The following HTR3B variants were observed in gnomAD, a reference collection of about 807,000 sequenced individuals.
HTR3B encodes the protein 5-hydroxytryptamine receptor 3B.
In HTR3B, 44 loss-of-function variants were observed where a neutral mutation model predicts 42.8. That is an observed-to-expected ratio of 1.03 (90% CI 0.81 to 1.32). The LOEUF (loss-of-function observed/expected upper bound fraction) is 1.32, where lower values mean the gene tolerates loss of function less well. Ranked by LOEUF, HTR3B falls within the 40% of genes most tolerant of loss-of-function variation. The pLI is 0.00. For missense variants in HTR3B, 527 were observed against 536.5 expected, an observed-to-expected ratio of 0.98 and a Z score of 0.17; for synonymous variants, 203 against 209.0, an observed-to-expected ratio of 0.97 and a Z score of 0.25.
At position 113,948,944 on chromosome 11, in the gene HTR3B, C is replaced by T. The variant is rs769687496; in HGVS notation, c.*2807C>T. 6.6e-6 allele frequency among the ~76,000 whole-genome samples: 1 copy of T among 152,112 alleles called. No homozygotes were observed. Among genetic ancestry groups the T allele is most frequent in the Non-Finnish European group, 1.5e-5 (1 of 68,042 alleles). On this transcript the variant is annotated 3_prime_UTR_variant, in exon 9 of 9. Coordinates refer to ENST00000260191, the MANE Select transcript of HTR3B (RefSeq NM_006028.5). ...ATATACCTAATGTTAATGGGTGCAG[C>T]ACAGCAACGTGGCACGTGTATACAT...
rs922695374 is a variant in HTR3B, at chr11:113,943,533, C to T, written c.907+341C>T. 5.9e-5 allele frequency among the ~76,000 whole-genome samples: 9 copies of T among 151,928 alleles called. No individual in the cohort carries two copies. The East Asian group carries it at 1.2e-3, about 20-fold the overall frequency. ...TATTTTTAGTAGAGACGGGGTTTCA[C>T]GATGTTGATCAGGCTGGTCTTGAAC... On this transcript the variant is annotated intron_variant, in intron 7 of 8. Transcript: ENST00000260191.
At chr11:113,900,866 G>C (rs1020730721), upstream of HTR3B, among the ~76,000 whole-genome samples, 1 of 151,802 alleles carries the variant, frequency 6.6e-6, no homozygotes, top group Non-Finnish European at 1.5e-5. Context: ...CCATGGTGGA[G>C]AGAGAGAGAG....
chr11:113,904,353 G>A (rs1397405055), upstream of HTR3B, among the ~76,000 whole-genome samples: 1 of 152,078 alleles, frequency 6.6e-6, no homozygotes, highest in Non-Finnish European at 1.5e-5. Flanking sequence ...AAGGGCTTAG[G>A]AAAAACAAAA....
rs776961852 is a variant in HTR3B, at chr11:113,931,865, G to A, written c.366G>A (p.Glu122=). 2 of 1,536,614 alleles carry A rather than the reference G, an allele frequency of 1.3e-6. No individual in the cohort carries two copies. The highest frequency in any genetic ancestry group is 1.1e-5 in the South Asian group (1 of 89,480). The change falls in exon 4 of 9, where the codon GAG becomes GAA. Residue 122 remains glutamate, a splice_region_variant and synonymous_variant. Transcript: ENST00000260191. ...AIWAPDIIIN[E]FVDIERYPDL... ...GGGCCCCCGATATCATCATCAATGAGTTGTAAGTGTGCCAGTGTGTATTTC... is the reference window on the plus strand; with the variant it reads ...GGGCCCCCGATATCATCATCAATGAATTGTAAGTGTGCCAGTGTGTATTTC...
chr11:113,915,882 G>T (rs1949847233), intron 2 of HTR3B, among the ~76,000 whole-genome samples: 1 of 151,774 alleles, frequency 6.6e-6, no homozygotes, highest in Non-Finnish European at 1.5e-5. Flanking sequence ...CTTGTCGCCT[G>T]GGCTGGAGTG....
At chr11:113,943,314 A>G (rs1486122392) in intron 7 of HTR3B, 122 bp downstream of exon 7, 13 of 784,362 alleles carry the variant, frequency 1.7e-5, no homozygotes, top group Non-Finnish European at 2.4e-5. Flanking sequence ...AGGTGGGAGG[A>G]CCACTTCAGC....
At chr11:113,939,261 C>T (rs533238203) in intron 6 of HTR3B, among the ~76,000 whole-genome samples, 75 of 152,306 alleles carry the variant, frequency 4.9e-4, no homozygotes, top group Middle Eastern at 3.4e-3. Flanking sequence ...ACCCTTGTCC[C>T]TATGTCTTTT....
chr11:113,913,675 C>T (rs898159383), intron 2 of HTR3B, among the ~76,000 whole-genome samples: 76 of 151,530 alleles, frequency 5.0e-4, no homozygotes, highest in East Asian at 3.9e-4. Context: ...CCATCACACC[C>T]GGCTAATTTT....
rs140618913 is a variant in HTR3B, at chr11:113,906,654, T to A, written c.52+1669T>A. Among the ~76,000 whole-genome samples the A allele has an allele frequency of 2.2e-3, 335 of 152,314 alleles. 2 individuals are homozygous for A. The highest frequency in any genetic ancestry group is 7.7e-3 in the African/African-American group (322 of 41,588). ...TCTCAGGGAGCCAGGTTACACTTAA[T>A]CATGTAGCGTCATGATTAAGAGCTT... On this transcript the variant is annotated intron_variant, in intron 1 of 8. Transcript: ENST00000260191.
At chr11:113,943,266 G>C in intron 7 of HTR3B, 74 bp downstream of exon 7, 1 of 1,269,792 alleles carries the variant, frequency 7.9e-7, no homozygotes, top group Non-Finnish European at 1.1e-6. Flanking sequence ...GCCAGGCATG[G>C]TGGCTCATGC....
In HTR3B at chr11:113,932,378, C is replaced by T; in HGVS notation, c.458C>T (p.Ser153Phe). 6.2e-7 allele frequency: 1 copy of T among 1,614,036 alleles called. No individual in the cohort carries two copies. The highest frequency in any genetic ancestry group is 1.7e-5 in the Admixed American group (1 of 60,022). ...AACTATAAGCCCATCCAGGTGGTCT[C>T]TGCGTGCAGTTTAGAGACATATGCT... ...IENYKPIQVV[S>F]ACSLETYAFP... The change falls in exon 5 of 9, where the codon TCT (serine) becomes TTT (phenylalanine). Residue 153 changes from serine (S) to phenylalanine (F), a missense_variant. Transcript: ENST00000260191.
At position 113,942,333 on chromosome 11, in the gene HTR3B, A is replaced by G. The variant is rs1257412335; in HGVS notation, c.697-649A>G. Among the ~76,000 whole-genome samples, 3 of 152,120 alleles carry G rather than the reference A, an allele frequency of 2.0e-5. No individual in the cohort carries two copies. In the South Asian group the frequency reaches 6.2e-4, roughly 31 times the overall value. On this transcript the variant is annotated intron_variant, in intron 6 of 8. Coordinates refer to ENST00000260191, the MANE Select transcript of HTR3B (RefSeq NM_006028.5). ...CAAAAAATAAGCCGGGCATGGTGGC[A>G]CTCACCTGTAGTCCCAGCTACCTGA...
At chr11:113,916,624 A>G (rs189414278) in intron 2 of HTR3B, among the ~76,000 whole-genome samples, 21 of 152,342 alleles carry the variant, frequency 1.4e-4, no homozygotes, top group Admixed American at 1.1e-3. Context: ...CACTGAATCT[A>G]TAGATAAATT....
At chr11:113,903,041 T>C (rs1949706489), upstream of HTR3B, among the ~76,000 whole-genome samples, 2 of 152,118 alleles carry the variant, frequency 1.3e-5, no homozygotes, top group South Asian at 4.1e-4. Context: ...ACTAATCTTT[T>C]ATTTTTTTGT....
chr11:113,907,480 G>A (rs898372255), intron 1 of HTR3B, among the ~76,000 whole-genome samples: 3 of 152,054 alleles, frequency 2.0e-5, no homozygotes, highest in Non-Finnish European at 4.4e-5. Context: ...CTTAAACAAA[G>A]AACTCTTTCC....
At chr11:113,913,796 G>A (rs1407409399) in intron 2 of HTR3B, among the ~76,000 whole-genome samples, 6 of 152,184 alleles carry the variant, frequency 3.9e-5, no homozygotes, top group Admixed American at 3.9e-4. Context: ...TTACAGGAGT[G>A]AGCCACCACG....
At chr11:113,927,703 C>T (rs1036770836) in intron 2 of HTR3B, among the ~76,000 whole-genome samples, 1 of 152,060 alleles carries the variant, frequency 6.6e-6, no homozygotes, top group African/African-American at 2.4e-5. Flanking sequence ...GCTGGAATGA[C>T]AGGCACGTGC....
At chr11:113,933,371 C>A (rs902119063) in intron 6 of HTR3B, among the ~76,000 whole-genome samples, 9 of 152,132 alleles carry the variant, frequency 5.9e-5, no homozygotes, top group African/African-American at 2.2e-4. Flanking sequence ...ATCCTCCAAT[C>A]TTTCCACACA....
Position 113,933,019 on chromosome 11 carries a change from G to A in HTR3B, c.622G>A (p.Glu208Lys), listed in dbSNP as rs1950052784. 2.5e-6 allele frequency: 4 copies of A among 1,614,098 alleles called. No homozygotes were observed. Among genetic ancestry groups the A allele is most frequent in the Non-Finnish European group, 3.4e-6 (4 of 1,179,978 alleles). The part of the protein sequence containing the change: ...KKAFLNDSEW[E>K]LLSVSSTYSI... ...GGCGTTTTTGAATGACAGTGAGTGGGAACTTCTATCTGTGTCCTCCACATA... is the reference window on the plus strand; with the variant it reads ...GGCGTTTTTGAATGACAGTGAGTGGAAACTTCTATCTGTGTCCTCCACATA... The change falls in exon 6 of 9, where the codon GAA becomes AAA. Residue 208 changes from glutamate to lysine, a missense_variant. Physicochemically the swap from Glu to Lys is moderately conservative, Grantham distance 56. Transcript: ENST00000260191.
Sources: allele counts gnomAD v4.1 joint callset (sites outside exome capture counted in the v4.1 genomes callset), GRCh38; gene constraint gnomAD v4.1.1; transcripts MANE v1.5; gene names NCBI Gene and HGNC (gene_info 2026-07-23, HGNC 2026-07-21).